Variants in ERGIC1 observed in about 807,000 individuals in gnomAD.
The protein encoded by ERGIC1 is endoplasmic reticulum-Golgi intermediate compartment protein 1.
A neutral mutation model predicts 38.3 loss-of-function variants in ERGIC1; 19 were observed. That is an observed-to-expected ratio of 0.50 (90% CI 0.35 to 0.73). The LOEUF (loss-of-function observed/expected upper bound fraction) is 0.73, where lower values mean the gene tolerates loss of function less well. ERGIC1 is among the 30% of genes least tolerant of loss of function. The pLI, the probability that ERGIC1 is intolerant of heterozygous loss-of-function variation, is 0.01. For synonymous variants in ERGIC1, 124 were observed against 157.6 expected, an observed-to-expected ratio of 0.79 and a Z score of 1.60; for missense variants, 294 against 389.2, an observed-to-expected ratio of 0.76 and a Z score of 2.06.
rs527810507 is a variant in ERGIC1 at position 172,846,015 on chromosome 5, G to T, written c.20+11582G>T. Among the ~76,000 whole-genome samples, 42 of 152,150 alleles carry T rather than the reference G, an allele frequency of 2.8e-4. No homozygotes were observed. Among genetic ancestry groups the T allele is most frequent in the African/African-American group, 9.2e-4 (38 of 41,488 alleles). On this transcript the variant is annotated intron_variant, in intron 1 of 9. Transcript: ENST00000393784. The surrounding 1 kb of genome is among the most constrained non-coding windows in gnomAD (Gnocchi z 4.0). ...CATCCTGTAGAATGTCCCCAGCCTG[G>T]GTTTGTCTGATGTTTCTTCCTAAGT...
intron 3 of ERGIC1, among the ~76,000 whole-genome samples, chr5:172,903,991 T>A (rs914903980): frequency 2.1e-5 from 2 of 95,072 alleles, no homozygotes; most frequent in African/African-American, 7.4e-5. Flanking sequence ...ACACACACAT[T>A]GACTCACACT....
rs1764236256 is a variant in ERGIC1, at chr5:172,951,809, C to T, written c.*993C>T. 1 of 152,374 alleles carries T rather than the reference C, an allele frequency of 6.6e-6. No homozygotes were observed. The highest frequency in any genetic ancestry group is 1.5e-5 in the Non-Finnish European group (1 of 68,160). 9.4% of individuals were successfully genotyped at this position (152,374 alleles called of 1,614,324 possible). A position where few individuals can be genotyped will look rare whatever the true frequency, so the allele number is the denominator to read the frequency against. ...GCCTCTCAGACGGACGCCATCGGTC[C>T]CAAGGCCTTAGGTGGAGGAAGCAAA... On this transcript the variant is annotated 3_prime_UTR_variant, in exon 10 of 10. Coordinates refer to ENST00000393784, the MANE Select transcript of ERGIC1 (RefSeq NM_001031711.3).
At chr5:172,903,184 C>T (rs878871976) in intron 3 of ERGIC1, among the ~76,000 whole-genome samples, 21 of 152,200 alleles carry the variant, frequency 1.4e-4, no homozygotes, top group Admixed American at 8.5e-4. Context: ...GCTCATTCCA[C>T]TGAAGTTTGT....
chr5:172,869,244 C>G (rs982269391), intron 1 of ERGIC1, among the ~76,000 whole-genome samples: 17 of 152,224 alleles, frequency 1.1e-4, no homozygotes, highest in African/African-American at 3.6e-4. Flanking sequence ...TCTTTGGTCC[C>G]CATTCCCCAG....
At chr5:172,927,005 T>G in intron 7 of ERGIC1, 1 of 187,096 alleles carries the variant, frequency 5.3e-6, no homozygotes, top group Non-Finnish European at 1.1e-5. Flanking sequence ...CACACCTCAC[T>G]CTCCTCCTGC....
chr5:172,938,727 T>C (rs2113478459), intron 9 of ERGIC1, among the ~76,000 whole-genome samples: 1 of 142,538 alleles, frequency 7.0e-6, no homozygotes, highest in South Asian at 2.2e-4. Flanking sequence ...CACTCCAGCC[T>C]GGGTACCAGA....
Position 172,834,315 on chromosome 5 carries a change from G to T in ERGIC1, c.-99G>T. ...GCGAGTGTCAGGGGGGCGGCCGGCG[G>T]GGGCGGGGCGGCCGGAGGAGGCGTT... On this transcript the variant is annotated 5_prime_UTR_variant, in exon 1 of 10. Coordinates refer to ENST00000393784, the MANE Select transcript of ERGIC1 (RefSeq NM_001031711.3). The surrounding 1 kb of genome is among the most constrained non-coding windows in gnomAD (Gnocchi z 4.1). 1.8e-6 allele frequency: 2 copies of T among 1,114,064 alleles called. No individual in the cohort carries two copies. The highest frequency in any genetic ancestry group is 8.7e-5 in the South Asian group (2 of 23,068). 69.0% of individuals were successfully genotyped at this position (1,114,064 alleles called of 1,614,324 possible).
At chr5:172,950,486 G>A (rs1201243411) in intron 9 of ERGIC1, among the ~76,000 whole-genome samples, 2 of 152,298 alleles carry the variant, frequency 1.3e-5, no homozygotes, top group African/African-American at 4.8e-5. Context: ...AGCTCATAAT[G>A]GTGAAAATTA....
intron 2 of ERGIC1, among the ~76,000 whole-genome samples, chr5:172,890,296 T>C (rs950090964): frequency 5.3e-5 from 8 of 152,220 alleles, no homozygotes; most frequent in Admixed American, 5.2e-4. Context: ...GGCAAGGCCT[T>C]GAAAAACACA....
intron 1 of ERGIC1, among the ~76,000 whole-genome samples, chr5:172,861,109 C>A (rs1581519592): frequency 6.6e-6 from 1 of 152,108 alleles, no homozygotes; most frequent in South Asian, 2.1e-4. Context: ...GCCTCGCTGA[C>A]CTCGTCCCAT....
chr5:172,848,368 C>T (rs73803638), intron 1 of ERGIC1, among the ~76,000 whole-genome samples: 3,946 of 152,056 alleles, frequency 0.026, 161 homozygotes, highest in African/African-American at 0.09. Flanking sequence ...GTAGATGGGG[C>T]GATAGAGAGT....
intron 5 of ERGIC1, chr5:172,917,511 A>G (rs1371066533): frequency 6.6e-6 from 1 of 152,196 alleles, no homozygotes; most frequent in Non-Finnish European, 1.5e-5. Flanking sequence ...ACTCTGTGCT[A>G]GAACAAGCGC....
rs573472747 is a variant in ERGIC1, at chr5:172,892,062, G to GTT, written c.82+3325_82+3326dup. Among the ~76,000 whole-genome samples, 206 of 90,188 alleles carry GTT rather than the reference G, an allele frequency of 2.3e-3. 1 individual carries two copies. Among genetic ancestry groups the GTT allele is most frequent in the African/African-American group, 5.1e-3 (125 of 24,680 alleles). The allele number at this position is 90,188 out of a possible 152,430, so 59.2% of individuals were successfully genotyped here. A position where few individuals can be genotyped will look rare whatever the true frequency, so the allele number is the denominator to read the frequency against. The stretch of plus-strand genomic sequence containing the variant: ...GAGGAATTACTGGGTTAAAGAGTAT[G>GTT]TTTTTTTTTTTTTTTTTTTTTTTTG... On this transcript the variant is annotated intron_variant, in intron 2 of 9. Transcript: ENST00000393784.
chr5:172,906,888 C>T (rs1326963353), intron 3 of ERGIC1, among the ~76,000 whole-genome samples: 1 of 152,178 alleles, frequency 6.6e-6, no homozygotes, highest in Non-Finnish European at 1.5e-5. Context: ...CCAGCAGCTA[C>T]TTGGGGATGC....
chr5:172,931,667 T>C (rs1370575433), intron 7 of ERGIC1, among the ~76,000 whole-genome samples: 2 of 152,224 alleles, frequency 1.3e-5, no homozygotes, highest in East Asian at 3.8e-4. Context: ...GGGATCTTTC[T>C]CAAATCCTGC....
At position 172,898,969 on chromosome 5, in the gene ERGIC1, C is replaced by A. The variant is rs147943027; in HGVS notation, c.155+1895C>A. On this transcript the variant is annotated intron_variant, in intron 3 of 9. Coordinates refer to ENST00000393784, the MANE Select transcript of ERGIC1 (RefSeq NM_001031711.3). ...TGAGACTTGCTAATGTTATGAGGTA[C>A]CTGTTGTATGCCAGGCACCCACTGG... Among the ~76,000 whole-genome samples the A allele has an allele frequency of 4.4e-3, 663 of 152,214 alleles. 9 individuals are homozygous for A. Among genetic ancestry groups the A allele is most frequent in the African/African-American group, 0.015 (633 of 41,530 alleles).
Position 172,926,539 on chromosome 5 carries a change from C to CT in ERGIC1, c.512dup (p.Gly172ArgfsTer26). ...GAACATCCACGGAGCTTTCAATGCT[C>CT]TCGGGGGAGCAGACAGACTCACCTC... On this transcript the variant is annotated frameshift_variant, in exon 7 of 10. Coordinates refer to ENST00000393784, the MANE Select transcript of ERGIC1 (RefSeq NM_001031711.3). LOFTEE classifies it high-confidence loss of function. This position sits in a 1 kb window ranked among gnomAD's most constrained non-coding sequence, Gnocchi z 5.2. The CT allele has an allele frequency of 6.2e-7, 1 of 1,613,402 alleles. No homozygotes were observed. The highest frequency in any genetic ancestry group is 8.5e-7 in the Non-Finnish European group (1 of 1,180,022).
intron 3 of ERGIC1, among the ~76,000 whole-genome samples, chr5:172,902,873 G>A (rs541556371): frequency 1.3e-5 from 2 of 151,990 alleles, no homozygotes; most frequent in African/African-American, 4.8e-5. Flanking sequence ...CTATTTAAGT[G>A]CTCTTCAAAA....
chr5:172,856,316 G>A (rs1581515132), intron 1 of ERGIC1, among the ~76,000 whole-genome samples: 1 of 152,244 alleles, frequency 6.6e-6, no homozygotes, highest in African/African-American at 2.4e-5. Flanking sequence ...GGAAAGGTGA[G>A]GTTTGGTCAG....
Sources: allele counts gnomAD v4.1 joint callset (sites outside exome capture counted in the v4.1 genomes callset), GRCh38; gene constraint gnomAD v4.1.1; non-coding constraint Gnocchi (gnomAD v3.1); transcripts MANE v1.5; gene names NCBI Gene and HGNC (gene_info 2026-07-23, HGNC 2026-07-21).